The following GALNTL6 variants were observed in gnomAD, a reference collection of about 807,000 sequenced individuals.
GALNTL6 encodes polypeptide N-acetylgalactosaminyltransferase-like 6.
In GALNTL6, 46 loss-of-function variants were observed where a neutral mutation model predicts 73.7. The observed-to-expected ratio is 0.62, with a 90% CI of 0.49 to 0.80. The LOEUF is 0.80. Ranked by LOEUF, GALNTL6 falls within the 30% of genes least tolerant of loss-of-function variation. The pLI is 0.00. For synonymous variants in GALNTL6, 259 were observed against 263.7 expected, an observed-to-expected ratio of 0.98 and a Z score of 0.17; for missense variants, 604 against 755.0, an observed-to-expected ratio of 0.80 and a Z score of 2.34.
chr4:172,605,896 C>T (rs1738238419), intron 5 of GALNTL6, among the ~76,000 whole-genome samples: 1 of 151,968 alleles, frequency 6.6e-6, no homozygotes, highest in Admixed American at 6.6e-5. Flanking sequence ...AATAGGATAC[C>T]ATCTCACAGA....
At chr4:171,877,418 T>C (rs1226631827) in intron 2 of GALNTL6, among the ~76,000 whole-genome samples, 7 of 152,100 alleles carry the variant, frequency 4.6e-5, no homozygotes, top group African/African-American at 7.2e-5. Flanking sequence ...AGCTACCACA[T>C]AGGGCTAAGT....
At chr4:172,192,772 G>T (rs934366434) in intron 2 of GALNTL6, among the ~76,000 whole-genome samples, 1 of 152,170 alleles carries the variant, frequency 6.6e-6, no homozygotes, top group Non-Finnish European at 1.5e-5. Flanking sequence ...TGCAACCAGC[G>T]GCAGCAGGCT....
At chr4:172,644,284 C>CACATATACATAT (rs200324718) in intron 5 of GALNTL6, among the ~76,000 whole-genome samples, 2 of 151,404 alleles carry the variant, frequency 1.3e-5, no homozygotes, top group African/African-American at 4.8e-5. Context: ...AGTGAACACA[C>CACATATACATAT]ACATATACAT....
At chr4:171,815,818 G>T (rs1179945196) in intron 2 of GALNTL6, among the ~76,000 whole-genome samples, 1 of 152,140 alleles carries the variant, frequency 6.6e-6, no homozygotes, top group Non-Finnish European at 1.5e-5. Context: ...TTGCACAGTG[G>T]TTAGTTGTGC....
At chr4:172,821,569 G>A (rs1741931283) in intron 7 of GALNTL6, among the ~76,000 whole-genome samples, 1 of 152,138 alleles carries the variant, frequency 6.6e-6, no homozygotes, top group Admixed American at 6.6e-5. Context: ...GAAAATGTCA[G>A]CTTTCAGTTA....
At chr4:171,986,394 AC>A (rs1338487977) in intron 2 of GALNTL6, among the ~76,000 whole-genome samples, 3 of 151,952 alleles carry the variant, frequency 2.0e-5, no homozygotes. Context: ...TAAGGCAGGA[AC>A]CCGCCATCTG....
At chr4:173,026,734 A>T (rs1383941544) in intron 12 of GALNTL6, among the ~76,000 whole-genome samples, 2 of 152,106 alleles carry the variant, frequency 1.3e-5, no homozygotes, top group African/African-American at 2.4e-5. Flanking sequence ...ACAGATTTTT[A>T]GGGATTTTTT....
chr4:171,882,873 G>A (rs568985880), intron 2 of GALNTL6, among the ~76,000 whole-genome samples: 8 of 152,272 alleles, frequency 5.3e-5, no homozygotes, highest in Admixed American at 3.3e-4. Context: ...TAGTTAGTCC[G>A]TTGTAGAAGG....
intron 2 of GALNTL6, among the ~76,000 whole-genome samples, chr4:171,872,383 A>C (rs1402176542): frequency 6.6e-6 from 1 of 152,176 alleles, no homozygotes; most frequent in Non-Finnish European, 1.5e-5. Flanking sequence ...TTTCTATGAA[A>C]ATCGTTCCTA....
intron 2 of GALNTL6, among the ~76,000 whole-genome samples, chr4:171,855,309 G>A (rs968657270): frequency 3.9e-5 from 6 of 152,058 alleles, no homozygotes; most frequent in African/African-American, 1.4e-4. Context: ...AGGGAACCAC[G>A]GATCTATTTA....
At chr4:172,869,608 C>T (rs1380785909) in intron 7 of GALNTL6, among the ~76,000 whole-genome samples, 1 of 152,198 alleles carries the variant, frequency 6.6e-6, no homozygotes, top group Non-Finnish European at 1.5e-5. Flanking sequence ...ATCCTTAACA[C>T]TCACTGTCAA....
At chr4:171,964,753 G>GT (rs1306847431) in intron 2 of GALNTL6, among the ~76,000 whole-genome samples, 1 of 152,232 alleles carries the variant, frequency 6.6e-6, no homozygotes, top group Non-Finnish European at 1.5e-5. Flanking sequence ...TGAAGGACTT[G>GT]TTTTTCCATC....
At chr4:172,154,420 CG>C (rs1219286766) in intron 2 of GALNTL6, among the ~76,000 whole-genome samples, 2 of 152,000 alleles carry the variant, frequency 1.3e-5, no homozygotes, top group Non-Finnish European at 1.5e-5. Flanking sequence ...GTAGTAGAGA[CG>C]GGGCTTCTCC....
intron 2 of GALNTL6, among the ~76,000 whole-genome samples, chr4:171,930,356 C>A (rs905707202): frequency 6.6e-6 from 1 of 152,254 alleles, no homozygotes; most frequent in Non-Finnish European, 1.5e-5. Context: ...GACCATGCTA[C>A]TGAGTCCACC....
intron 5 of GALNTL6, among the ~76,000 whole-genome samples, chr4:172,585,165 G>T (rs1319095990): frequency 6.6e-6 from 1 of 151,946 alleles, no homozygotes; most frequent in African/African-American, 2.4e-5. Flanking sequence ...AAATCTTGGG[G>T]TTTTTAAAAA....
chr4:172,239,181 A>G (rs1489459940), intron 3 of GALNTL6, among the ~76,000 whole-genome samples: 1 of 152,058 alleles, frequency 6.6e-6, no homozygotes, highest in Admixed American at 6.6e-5. Flanking sequence ...AATGGTACCA[A>G]TTCTTTGTAT....
At chr4:172,621,337 A>G (rs1047370109) in intron 5 of GALNTL6, among the ~76,000 whole-genome samples, 1 of 152,160 alleles carries the variant, frequency 6.6e-6, no homozygotes, top group Non-Finnish European at 1.5e-5. Context: ...TTACAGGCAT[A>G]AGCCAATGTG....
chr4:172,432,372 T>A (rs1731486876), intron 5 of GALNTL6, among the ~76,000 whole-genome samples: 1 of 151,854 alleles, frequency 6.6e-6, no homozygotes, highest in Non-Finnish European at 1.5e-5. Context: ...TTTTCTTAAC[T>A]ATTTTGCAAC....
intron 5 of GALNTL6, among the ~76,000 whole-genome samples, chr4:172,428,862 T>C (rs1242530541): frequency 6.6e-6 from 1 of 152,212 alleles, no homozygotes; most frequent in Admixed American, 6.5e-5. Context: ...TTCAGGGGTC[T>C]GACTCTTTGG....
Sources: gnomAD v4.1 joint callset for allele counts (sites outside exome capture counted in the v4.1 genomes callset) on GRCh38, gnomAD v4.1.1 for gene constraint, MANE v1.5 for transcripts, NCBI Gene and HGNC (gene_info 2026-07-23, HGNC 2026-07-21) for gene names.